Variants in DCST1 observed in about 807,000 individuals in gnomAD.
DCST1 encodes the protein DC-STAMP domain containing 1.
In DCST1, 78 loss-of-function variants were observed where a neutral mutation model predicts 89.1. The ratio of observed to expected loss-of-function variants is 0.88; its 90% confidence interval spans 0.73 to 1.06. The LOEUF (loss-of-function observed/expected upper bound fraction) is 1.06. Among genes scored for constraint, DCST1 ranks in the 50% least tolerant of loss-of-function variants. The pLI is 0.00. For missense variants in DCST1, 900 were observed against 928.6 expected (o/e 0.97, Z 0.40); for synonymous variants, 364 against 371.9 (o/e 0.98, Z 0.24).
chr1:155,040,501 G>T lies in DCST1; in HGVS notation c.408G>T (p.Leu136=). The part of the protein sequence containing the change: ...AAIYVGPVAN[L]RHNLNNVIAS... ...TTTCTCCAGGGCCAGTAGCCAATCT[G>T]CGACACAATCTCAACAACGTGATCG... Residue 136 remains leucine, a synonymous_variant, in exon 6 of 17, where the codon CTG becomes CTT. Transcript: ENST00000295542. The T allele has an allele frequency of 6.2e-7, 1 of 1,600,144 alleles. No individual in the cohort carries two copies. The highest frequency in any genetic ancestry group is 1.1e-5 in the South Asian group (1 of 88,418).
intron 10 of DCST1, chr1:155,045,382 T>G: frequency 5.4e-6 from 1 of 183,934 alleles, no homozygotes; most frequent in Non-Finnish European, 1.1e-5. Flanking sequence ...AGAGCCAGGG[T>G]GTATTGGGGG....
Position 155,034,530 on chromosome 1 carries a change from G to C in DCST1, c.157G>C (p.Gly53Arg), listed in dbSNP as rs138581145. 2 of 1,613,634 alleles carry C rather than the reference G, an allele frequency of 1.2e-6. No homozygotes were observed. The highest frequency in any genetic ancestry group is 1.7e-6 in the Non-Finnish European group (2 of 1,179,914). ...GTTTCCTGTCACTGCTCTCCTGCTGGGGGCAGGCGCTGGGGGGCTCCTGGC... is the reference window on the plus strand; with the variant it reads ...GTTTCCTGTCACTGCTCTCCTGCTGCGGGCAGGCGCTGGGGGGCTCCTGGC... The part of the protein sequence containing the change: ...GEFPVTALLL[G>R]AGAGGLLAIG... Residue 53 changes from glycine to arginine, a missense_variant, in exon 3 of 17, where the codon GGG becomes CGG. Physicochemically the swap from Gly to Arg is moderately radical, Grantham distance 125. Transcript: ENST00000295542.
chr1:155,050,589 G>T, intron 16 of DCST1, 28 bp from the exon 17 acceptor site: 1 of 1,550,634 alleles, frequency 6.4e-7, no homozygotes, highest in Admixed American at 1.8e-5. Flanking sequence ...TCGCTCCCGG[G>T]CTGGCGCTAA....
intron 16 of DCST1, chr1:155,049,090 G>A: frequency 1.4e-6 from 1 of 716,946 alleles, no homozygotes; most frequent in Non-Finnish European, 2.6e-6. Flanking sequence ...GTGGTGGTCA[G>A]GTGTGGGACT....
intron 16 of DCST1, 26 bp downstream of exon 16, chr1:155,048,196 C>T (rs772734446): frequency 1.8e-5 from 28 of 1,598,472 alleles, no homozygotes; most frequent in Non-Finnish European, 2.2e-5. Flanking sequence ...AGTGCTGCTG[C>T]CAGCTCCTGG....
chr1:155,043,552 G>A, intron 10 of DCST1, 43 bp downstream of exon 10: 1 of 1,531,940 alleles, frequency 6.5e-7, no homozygotes, highest in Non-Finnish European at 8.8e-7. Context: ...CTCTGCCCCG[G>A]ACTGGAGCCC....
rs1487004069 is a variant in DCST1 at position 155,045,978 on chromosome 1, C to A, written c.1258C>A (p.Arg420Ser). The A allele has an allele frequency of 1.9e-6, 3 of 1,614,058 alleles. No homozygotes were observed. Among genetic ancestry groups the A allele is most frequent in the Non-Finnish European group, 2.5e-6 (3 of 1,180,026 alleles). Residue 420 changes from arginine to serine, a missense_variant, in exon 11 of 17, where the codon CGC (arginine) becomes AGC (serine). Transcript: ENST00000295542. ...TACCTACTTCTGCCAGATCGATGACCGCAGGAAGAAGCTGGTGAGTGGGCA... is the reference window on the plus strand; with the variant it reads ...TACCTACTTCTGCCAGATCGATGACAGCAGGAAGAAGCTGGTGAGTGGGCA... The part of the protein sequence containing the change: ...ISTYFCQIDD[R>S]RKKLGKRTLL...
In DCST1 at chr1:155,047,908, C is replaced by G. The variant is rs745792873; in HGVS notation, c.1734C>G (p.Ile578Met). 6.2e-7 allele frequency: 1 copy of G among 1,614,156 alleles called. No homozygotes were observed. The highest frequency in any genetic ancestry group is 2.2e-5 in the East Asian group (1 of 44,884). Reference sequence around the variant, plus strand: ...TTGGCTACCGACTCCGGAGGGTCATCGCAGCCTTCTACTTCCCCAAGGTTT... The same window carrying G: ...TTGGCTACCGACTCCGGAGGGTCATGGCAGCCTTCTACTTCCCCAAGGTTT... ...QAFGYRLRRVIAAFYFPKREK... is the reference protein window; with the variant it reads ...QAFGYRLRRVMAAFYFPKREK... The change falls in exon 15 of 17, where the codon ATC becomes ATG. Residue 578 changes from isoleucine (I) to methionine (M), a missense_variant. By Grantham distance (10) the Ile-to-Met change is conservative. Transcript: ENST00000295542.
rs1344474406 is a variant in DCST1 at position 155,050,780 on chromosome 1, G to A, written c.2033G>A (p.Arg678Gln). The change falls in exon 17 of 17, where the codon CGG becomes CAG. Residue 678 changes from arginine (R) to glutamine (Q), a missense_variant. Transcript: ENST00000295542. ...VYCWSCWDDMRQRCPVCTPRE... is the reference protein window; with the variant it reads ...VYCWSCWDDMQQRCPVCTPRE... Reference sequence around the variant, plus strand: ...TGCTGGTCGTGCTGGGACGACATGCGGCAGCGGTGCCCGGTCTGCACGCCC... The same window carrying A: ...TGCTGGTCGTGCTGGGACGACATGCAGCAGCGGTGCCCGGTCTGCACGCCC... 2 of 1,611,548 alleles carry A rather than the reference G, an allele frequency of 1.2e-6. No homozygotes were observed. The highest frequency in any genetic ancestry group is 1.7e-6 in the Non-Finnish European group (2 of 1,179,104).
rs756549796 is a variant in DCST1, at chr1:155,041,516, G to A, written c.651G>A (p.Glu217=). The A allele has an allele frequency of 1.6e-5, 26 of 1,613,934 alleles. No homozygotes were observed. In the East Asian group the frequency reaches 5.6e-4, roughly 35 times the overall value. ...YTPEDTMDSG[E]TAQGREARQA... ...CTGAGGATACCATGGACTCAGGGGA[G>A]ACAGCCCAGGGCAGGGAGGCCCGCC... Residue 217 remains glutamate, a synonymous_variant, in exon 7 of 17, where the codon GAG becomes GAA. Coordinates refer to ENST00000295542, the MANE Select transcript of DCST1 (RefSeq NM_152494.4).
intron 10 of DCST1, among the ~76,000 whole-genome samples, chr1:155,044,911 G>A (rs1158051000): frequency 1.3e-5 from 2 of 152,216 alleles, no homozygotes; most frequent in African/African-American, 4.8e-5. Flanking sequence ...TGAGATGGTG[G>A]GGGAAGGGGA....
At chr1:155,045,305 T>C (rs1660581543) in intron 10 of DCST1, 1 of 153,850 alleles carries the variant, frequency 6.5e-6, no homozygotes, top group African/African-American at 2.4e-5. Context: ...GGGAAATACA[T>C]GGGGGATAGC....
At position 155,050,901 on chromosome 1, in the gene DCST1, T is replaced by G. The variant is rs375009863; in HGVS notation, c.*33T>G. 1.3e-6 allele frequency: 2 copies of G among 1,597,536 alleles called. No homozygotes were observed. Among genetic ancestry groups the G allele is most frequent in the Non-Finnish European group, 1.7e-6 (2 of 1,167,936 alleles). On this transcript the variant is annotated 3_prime_UTR_variant, in exon 17 of 17. Transcript: ENST00000295542. The stretch of plus-strand genomic sequence containing the variant: ...TCCTGCTCGCTCTTCCGCACCGTCC[T>G]TCCCGGTTAATAAAATGCCCTGTAC...
chr1:155,047,248 T>A lies in DCST1; in HGVS notation c.1548T>A (p.Leu516=). ...GGGGAGACTCCATGCTAGCCCGGCTTCTTCGAAAAACCATTGGGGCCCTGA... is the reference window on the plus strand; with the variant it reads ...GGGGAGACTCCATGCTAGCCCGGCTACTTCGAAAAACCATTGGGGCCCTGA... ...KVGGDSMLAR[L]LRKTIGALNT... Residue 516 remains leucine, a synonymous_variant, in exon 14 of 17, where the codon CTT becomes CTA. Transcript: ENST00000295542. 1 of 1,614,128 alleles carries A rather than the reference T, an allele frequency of 6.2e-7. No homozygotes were observed. Among genetic ancestry groups the A allele is most frequent in the Non-Finnish European group, 8.5e-7 (1 of 1,180,020 alleles).
chr1:155,048,253 C>A (rs908769794), intron 16 of DCST1, 83 bp downstream of exon 16: 5 of 1,085,536 alleles, frequency 4.6e-6, no homozygotes, highest in Admixed American at 2.0e-5. Context: ...TCAGTCCACC[C>A]AGCACCCACC....
chr1:155,039,035 C>A (rs923427683), intron 4 of DCST1, among the ~76,000 whole-genome samples: 1 of 152,198 alleles, frequency 6.6e-6, no homozygotes, highest in Non-Finnish European at 1.5e-5. Context: ...AGCATGAGCA[C>A]CTGTTTCCAG....
At chr1:155,036,667 T>C (rs991013697) in intron 4 of DCST1, among the ~76,000 whole-genome samples, 1 of 152,256 alleles carries the variant, frequency 6.6e-6, no homozygotes, top group Non-Finnish European at 1.5e-5. Context: ...AAGTCACTAA[T>C]GCTATTATAA....
intron 4 of DCST1, among the ~76,000 whole-genome samples, chr1:155,037,989 G>A (rs1660324454): frequency 1.3e-5 from 2 of 152,250 alleles, no homozygotes; most frequent in Admixed American, 1.3e-4. Flanking sequence ...CTCAGGGGCT[G>A]GGGCAGGGCC....
chr1:155,035,828 G>A (rs187928968), intron 4 of DCST1, among the ~76,000 whole-genome samples: 1 of 152,154 alleles, frequency 6.6e-6, no homozygotes, highest in African/African-American at 2.4e-5. Flanking sequence ...TTCTTGGGAG[G>A]CTGAGGCAGG....
Sources: allele counts gnomAD v4.1 joint callset (sites outside exome capture counted in the v4.1 genomes callset), GRCh38; gene constraint gnomAD v4.1.1; transcripts MANE v1.5; gene names NCBI Gene and HGNC (gene_info 2026-07-23, HGNC 2026-07-21).